Variants in SLC2A9 observed in about 807,000 individuals in gnomAD.
The protein encoded by SLC2A9 is solute carrier family 2 member 9.
Under a neutral mutation model 50.6 loss-of-function variants are expected in SLC2A9, and 39 were observed. The observed-to-expected ratio is 0.77, with a 90% CI of 0.60 to 1.01. The LOEUF is 1.01. SLC2A9 is among the 50% of genes least tolerant of loss of function. The probability of loss-of-function intolerance (pLI) is 0.00; values close to 1 mark genes in which losing one functional copy is unlikely to be tolerated. For synonymous variants in SLC2A9, 324 were observed against 276.9 expected, an observed-to-expected ratio of 1.17 and a Z score of -1.69; for missense variants, 686 against 677.6, an observed-to-expected ratio of 1.01 and a Z score of -0.14.
intron 10 of SLC2A9, among the ~76,000 whole-genome samples, chr4:9,844,973 T>A (rs967109648): frequency 6.6e-6 from 1 of 152,178 alleles, no homozygotes. Context: ...CCTTTCTCCC[T>A]CCTCTCTATT....
chr4:9,826,801 A>G (rs1289826748), intron 11 of SLC2A9, among the ~76,000 whole-genome samples: 1 of 152,214 alleles, frequency 6.6e-6, no homozygotes, highest in Non-Finnish European at 1.5e-5. Flanking sequence ...AATCAGCTTC[A>G]AACTCTGGGA....
At chr4:9,788,576 T>G in intron 3 of SLC2A9, among the ~76,000 whole-genome samples, 1 of 152,126 alleles carries the variant, frequency 6.6e-6, no homozygotes, top group East Asian at 1.9e-4. Context: ...GTATGGGACC[T>G]GGGGACACAT....
At chr4:9,890,909 C>A (rs1490039895) in intron 8 of SLC2A9, among the ~76,000 whole-genome samples, 198 bp from the exon 9 acceptor site, 2 of 152,196 alleles carry the variant, frequency 1.3e-5, no homozygotes, top group African/African-American at 2.4e-5. Context: ...GAGAGAAAGT[C>A]ACAATTCTTG....
At chr4:9,870,782 A>G (rs1219123357) in intron 10 of SLC2A9, among the ~76,000 whole-genome samples, 1 of 152,216 alleles carries the variant, frequency 6.6e-6, no homozygotes, top group African/African-American at 2.4e-5. Context: ...ACTATGTGCC[A>G]TGAGATGTGG....
chr4:9,902,495 C>G (rs1268684763), intron 8 of SLC2A9, among the ~76,000 whole-genome samples: 1 of 152,174 alleles, frequency 6.6e-6, no homozygotes, highest in Non-Finnish European at 1.5e-5. Flanking sequence ...CCAGGGCTGC[C>G]GTGATAAGGT....
At chr4:9,868,038 C>T (rs569383518) in intron 10 of SLC2A9, among the ~76,000 whole-genome samples, 1 of 152,308 alleles carries the variant, frequency 6.6e-6, no homozygotes, top group African/African-American at 2.4e-5. Context: ...CTCCACCAGG[C>T]GTGTCTTTAG....
intron 11 of SLC2A9, among the ~76,000 whole-genome samples, chr4:9,830,389 A>C (rs1725898395): frequency 6.6e-6 from 1 of 152,222 alleles, no homozygotes; most frequent in African/African-American, 2.4e-5. Flanking sequence ...AGTGTTAGGA[A>C]GAATAGCTAA....
chr4:9,775,679 G>A (rs371659085), downstream of SLC2A9, among the ~76,000 whole-genome samples: 122 of 152,158 alleles, frequency 8.0e-4, 2 homozygotes, highest in East Asian at 0.014. Context: ...TTTTGGCCAC[G>A]TGATGTGCCT....
intron 3 of SLC2A9, among the ~76,000 whole-genome samples, chr4:9,806,854 G>C (rs1722185245): frequency 1.3e-5 from 2 of 152,202 alleles, no homozygotes; most frequent in South Asian, 2.1e-4. Context: ...GGATATGCTT[G>C]AACTCAAAAT....
intron 3 of SLC2A9, among the ~76,000 whole-genome samples, chr4:9,813,353 T>G (rs540767154): frequency 6.6e-6 from 1 of 152,346 alleles, no homozygotes; most frequent in South Asian, 2.1e-4. Flanking sequence ...ATTTACTTGT[T>G]CACTCCCATG....
At chr4:9,935,448 A>G (rs1312536560) in intron 6 of SLC2A9, among the ~76,000 whole-genome samples, 1 of 152,228 alleles carries the variant, frequency 6.6e-6, no homozygotes, top group Non-Finnish European at 1.5e-5. Flanking sequence ...CTTGGGCCTG[A>G]CACTAGTCCC....
At chr4:9,929,871 C>T (rs989689717) in intron 6 of SLC2A9, among the ~76,000 whole-genome samples, 2 of 152,104 alleles carry the variant, frequency 1.3e-5, no homozygotes, top group Non-Finnish European at 2.9e-5. Flanking sequence ...CCAGGGTGTC[C>T]GCAGAGTCAG....
At chr4:9,845,549 C>T (rs1365365904) in intron 10 of SLC2A9, among the ~76,000 whole-genome samples, 1 of 149,682 alleles carries the variant, frequency 6.7e-6, no homozygotes, top group Non-Finnish European at 1.5e-5. Context: ...CCTGCCTCAG[C>T]CTCCCGAGTA....
Position 9,902,608 on chromosome 4 carries a change from G to A in SLC2A9, c.1113+5627C>T, listed in dbSNP as rs141646409. On this transcript the variant is annotated intron_variant, in intron 8 of 11. Coordinates refer to ENST00000264784, the MANE Select transcript of SLC2A9 (RefSeq NM_020041.3). ...TCTGCAGGGCCCTGCCTCTGGAGGC[G>A]CCAGGGAAGGGTCTGTTGCAGGGCC... Among the ~76,000 whole-genome samples, 425 of 152,258 alleles carry A rather than the reference G, an allele frequency of 2.8e-3. 5 individuals are homozygous for A. The highest frequency in any genetic ancestry group is 9.9e-3 in the African/African-American group (412 of 41,544).
In SLC2A9 at chr4:10,021,382, G is replaced by T; in HGVS notation, c.48C>A (p.Pro16=). 1 of 1,614,224 alleles carries T rather than the reference G, an allele frequency of 6.2e-7. No individual in the cohort carries two copies. The highest frequency in any genetic ancestry group is 1.1e-5 in the South Asian group (1 of 91,084). ...NRNSKELGLV[P]LTDDTSHAGP... ...CGGCGTGGCTGGTGTCATCTGTGAG[G>T]GGAACTAGGCCCAGTTCCTTGGAAT... Residue 16 remains proline, a synonymous_variant, in exon 1 of 12, where the codon CCC becomes CCA. Transcript: ENST00000264784.
chr4:9,969,283 T>G (rs1753521171), intron 5 of SLC2A9, among the ~76,000 whole-genome samples: 1 of 152,224 alleles, frequency 6.6e-6, no homozygotes, highest in Non-Finnish European at 1.5e-5. Context: ...TTCTATGTTA[T>G]CAGTCATAAT....
Position 9,977,721 on chromosome 4 carries a change from G to A in SLC2A9, c.681+2871C>T, listed in dbSNP as rs569282122. On this transcript the variant is annotated intron_variant, in intron 5 of 11. Coordinates refer to ENST00000264784, the MANE Select transcript of SLC2A9 (RefSeq NM_020041.3). ...TCATCCTCAAGCCATGAGTTTAGAT[G>A]TCACTGCTGCAGGAAAACCACCCCC... Among the ~76,000 whole-genome samples the A allele has an allele frequency of 2.0e-5, 3 of 152,132 alleles. No homozygotes were observed. The South Asian group carries it at 6.2e-4, about 32-fold the overall frequency.
chr4:9,891,960 T>C (rs1737534348), intron 8 of SLC2A9, among the ~76,000 whole-genome samples: 1 of 152,202 alleles, frequency 6.6e-6, no homozygotes, highest in African/African-American at 2.4e-5. Flanking sequence ...GTCACAGCAC[T>C]GAGACGAACA....
intron 2 of SLC2A9, among the ~76,000 whole-genome samples, chr4:10,002,874 A>T (rs574921889): frequency 6.6e-6 from 1 of 152,006 alleles, no homozygotes; most frequent in African/African-American, 2.4e-5. Context: ...AAGAGTAAAT[A>T]TCAACTATAT....
Sources: allele counts gnomAD v4.1 joint callset (sites outside exome capture counted in the v4.1 genomes callset), GRCh38; gene constraint gnomAD v4.1.1; transcripts MANE v1.5; gene names NCBI Gene and HGNC (gene_info 2026-07-23, HGNC 2026-07-21).